ME3: variants seen among roughly 807,000 people sequenced by gnomAD.
ME3 encodes the protein malic enzyme 3.
A neutral mutation model predicts 68.9 loss-of-function variants in ME3; 48 were observed. That is an observed-to-expected ratio of 0.70 (90% CI 0.55 to 0.89). ME3 has a LOEUF of 0.89. Among genes scored for constraint, ME3 ranks in the 40% least tolerant of loss-of-function variants. The probability of loss-of-function intolerance (pLI) is 0.00; values close to 1 mark genes in which losing one functional copy is unlikely to be tolerated. For missense variants in ME3, 675 were observed against 797.4 expected, an observed-to-expected ratio of 0.85 and a Z score of 1.85; for synonymous variants, 320 against 318.8, an observed-to-expected ratio of 1.00 and a Z score of -0.04.
At chr11:86,515,922 G>A (rs1953869360) in intron 4 of ME3, among the ~76,000 whole-genome samples, 1 of 152,174 alleles carries the variant, frequency 6.6e-6, no homozygotes, top group African/African-American at 2.4e-5. Context: ...CAGAGGTGCA[G>A]AAACATTTCC....
chr11:86,440,708 A>G (rs924588331), downstream of ME3, among the ~76,000 whole-genome samples: 1 of 152,168 alleles, frequency 6.6e-6, no homozygotes, highest in African/African-American at 2.4e-5. Flanking sequence ...TATGGCTGAC[A>G]TGGACTAAAC....
At chr11:86,478,324 C>CAAAAAAAAAAAAAAAAAAAAAAA (rs57349808) in intron 7 of ME3, among the ~76,000 whole-genome samples, 1 of 62,914 alleles carries the variant, frequency 1.6e-5, no homozygotes, top group Non-Finnish European at 3.0e-5. Context: ...GCCTAAGGAC[C>CAAAAAAAAAAAAAAAAAAAAAAA]AAAAAAAAAA....
chr11:86,469,305 C>T (rs1281653010), intron 7 of ME3, among the ~76,000 whole-genome samples: 2 of 152,090 alleles, frequency 1.3e-5, no homozygotes, highest in Non-Finnish European at 2.9e-5. Context: ...TCTACAAGTC[C>T]AGAGCAGGGA....
At chr11:86,528,713 C>T (rs561255028) in intron 4 of ME3, among the ~76,000 whole-genome samples, 44 of 151,678 alleles carry the variant, frequency 2.9e-4, no homozygotes, top group Middle Eastern at 3.4e-3. Context: ...CACTCAAAAC[C>T]GCTCAACTAC....
chr11:86,652,458 G>C (rs1268089251), intron 2 of ME3, among the ~76,000 whole-genome samples: 1 of 152,066 alleles, frequency 6.6e-6, no homozygotes, highest in African/African-American at 2.4e-5. Flanking sequence ...TTAAAGAAAA[G>C]AATTTTCAAC....
chr11:86,606,282 G>C (rs1775384509), intron 2 of ME3, among the ~76,000 whole-genome samples: 1 of 152,178 alleles, frequency 6.6e-6, no homozygotes, highest in African/African-American at 2.4e-5. Flanking sequence ...TCACATACCT[G>C]GCTCCATGTA....
chr11:86,464,517 A>C (rs1388709767), intron 8 of ME3, among the ~76,000 whole-genome samples: 1 of 152,248 alleles, frequency 6.6e-6, no homozygotes, highest in African/African-American at 2.4e-5. Flanking sequence ...TCTCAGGGTC[A>C]TTATGAGCAA....
intron 4 of ME3, among the ~76,000 whole-genome samples, chr11:86,514,118 C>T (rs1953726545): frequency 6.6e-6 from 1 of 152,162 alleles, no homozygotes; most frequent in Admixed American, 6.5e-5. Context: ...TTATAAGCAT[C>T]TGGCATTTCC....
rs113556675 is a variant in ME3 at position 86,599,537 on chromosome 11, A to T, written c.184-39714T>A. Among the ~76,000 whole-genome samples the T allele has an allele frequency of 5.4e-3, 818 of 152,370 alleles. 3 individuals carry two copies. The highest frequency in any genetic ancestry group is 0.018 in the African/African-American group (764 of 41,588). On this transcript the variant is annotated intron_variant, in intron 2 of 14. Coordinates refer to ENST00000543262, the Ensembl canonical transcript of ME3. ...GTTGGAAAACACTCTGCAGGTTATT[A>T]TCCAGGACAACTTCCCCAATCTAGC...
At chr11:86,563,719 T>A (rs1021672537) in intron 2 of ME3, among the ~76,000 whole-genome samples, 1 of 152,202 alleles carries the variant, frequency 6.6e-6, no homozygotes, top group African/African-American at 2.4e-5. Flanking sequence ...CTTTCCCCAT[T>A]ACTTGTCTTT....
chr11:86,498,640 C>T (rs611156), intron 5 of ME3, among the ~76,000 whole-genome samples: 17,126 of 152,190 alleles, frequency 0.11, 1,086 homozygotes, highest in East Asian at 0.2. Flanking sequence ...TCTAGGATCA[C>T]TATTGCATAT....
At chr11:86,556,520 C>A (rs1310333750) in intron 4 of ME3, 33 bp downstream of exon 4, 5 of 1,600,480 alleles carry the variant, frequency 3.1e-6, no homozygotes, top group Non-Finnish European at 4.3e-6. Flanking sequence ...ATGAGGCAGC[C>A]CCTCCCAGAG....
intron 4 of ME3, among the ~76,000 whole-genome samples, chr11:86,535,120 T>G (rs964138809): frequency 6.6e-6 from 1 of 152,158 alleles, no homozygotes; most frequent in Non-Finnish European, 1.5e-5. Context: ...TAGCCAGCAT[T>G]TTACCTGTAT....
intron 2 of ME3, among the ~76,000 whole-genome samples, chr11:86,580,408 G>A (rs993704508): frequency 7.9e-5 from 12 of 152,172 alleles, no homozygotes; most frequent in African/African-American, 2.9e-4. Flanking sequence ...TTAATTACCA[G>A]TAGGTAATAG....
At chr11:86,658,716 C>A (rs779535646) in intron 2 of ME3, among the ~76,000 whole-genome samples, 5 of 152,066 alleles carry the variant, frequency 3.3e-5, no homozygotes, top group Admixed American at 6.5e-5. Context: ...CCTGGCACCA[C>A]CTGGCCAGCT....
intron 4 of ME3, among the ~76,000 whole-genome samples, chr11:86,542,656 A>C (rs1956118735): frequency 6.6e-6 from 1 of 152,242 alleles, no homozygotes; most frequent in Non-Finnish European, 1.5e-5. Flanking sequence ...GGTATATGTG[A>C]AAAGACCAAA....
intron 2 of ME3, among the ~76,000 whole-genome samples, chr11:86,665,939 T>C (rs1337075040): frequency 1.3e-5 from 2 of 152,180 alleles, no homozygotes; most frequent in African/African-American, 2.4e-5. Context: ...GGTTCTTGCA[T>C]AATCTAGATA....
At chr11:86,604,186 G>GC (rs1204183115) in intron 2 of ME3, among the ~76,000 whole-genome samples, 2 of 152,174 alleles carry the variant, frequency 1.3e-5, no homozygotes, top group African/African-American at 4.8e-5. Context: ...GTTTCATCAT[G>GC]CAGATGAAGC....
At chr11:86,457,616 T>C in intron 8 of ME3, 1 of 1,251,712 alleles carries the variant, frequency 8.0e-7, no homozygotes, top group African/African-American at 1.5e-5. Context: ...TCTTGGGCTA[T>C]GCACTAGGGG....
Sources: gnomAD v4.1 joint callset for allele counts (sites outside exome capture counted in the v4.1 genomes callset) on GRCh38, gnomAD v4.1.1 for gene constraint, MANE v1.5 for transcripts, NCBI Gene and HGNC (gene_info 2026-07-23, HGNC 2026-07-21) for gene names.